The following FAT3 variants were observed in gnomAD, a reference collection of about 807,000 sequenced individuals.
FAT3 encodes the protein protocadherin Fat 3.
In FAT3, 95 loss-of-function variants were observed where a neutral mutation model predicts 310.2. The observed-to-expected ratio is 0.31, with a 90% CI of 0.26 to 0.36. FAT3 has a LOEUF of 0.36. FAT3 is among the 10% of genes least tolerant of loss of function. The pLI, the probability that FAT3 is intolerant of heterozygous loss-of-function variation, is 1.00. For synonymous variants in FAT3, 2,314 were observed against 2,192.9 expected (o/e 1.06, Z -1.54); for missense variants, 5,408 against 5,715.6 (o/e 0.95, Z 1.74).
intron 13 of FAT3, among the ~76,000 whole-genome samples, chr11:92,830,335 T>C (rs1948211543): frequency 6.6e-6 from 1 of 152,218 alleles, no homozygotes; most frequent in Non-Finnish European, 1.5e-5. Flanking sequence ...AGACATTTCC[T>C]AGTTTGTATG....
rs7129657 is a variant in FAT3, at chr11:92,780,162, T to C, written c.4335+5982T>C. 8.6e-3 allele frequency among the ~76,000 whole-genome samples: 537 copies of C among 62,296 alleles called. 2 individuals are homozygous for C. Among genetic ancestry groups the C allele is most frequent in the African/African-American group, 0.026 (472 of 18,024 alleles). The allele number at this position is 62,296 out of a possible 152,430, so 40.9% of individuals were successfully genotyped here. On this transcript the variant is annotated intron_variant, in intron 7 of 27. Coordinates refer to ENST00000525166, the MANE Select transcript of FAT3 (RefSeq NM_001367949.2). ...CTAAGTTTATGGTAACTTTTTTTTTTCTTTTTTTTTTTTTTCCAGGACAGG... is the reference window on the plus strand; with the variant it reads ...CTAAGTTTATGGTAACTTTTTTTTTCCTTTTTTTTTTTTTTCCAGGACAGG...
chr11:92,710,331 C>A (rs777213642), intron 4 of FAT3, among the ~76,000 whole-genome samples: 4 of 152,156 alleles, frequency 2.6e-5, no homozygotes, highest in African/African-American at 4.8e-5. Flanking sequence ...TACCAAATGA[C>A]TGAGATTTTC....
intron 4 of FAT3, among the ~76,000 whole-genome samples, chr11:92,717,331 A>G (rs570234670): frequency 8.5e-5 from 13 of 152,312 alleles, no homozygotes; most frequent in African/African-American, 1.7e-4. Context: ...TTGCTTTCCA[A>G]TGGGGGTCCT....
At chr11:92,294,915 C>T (rs894276477) in intron 1 of FAT3, among the ~76,000 whole-genome samples, 1 of 152,048 alleles carries the variant, frequency 6.6e-6, no homozygotes, top group African/African-American at 2.4e-5. Context: ...TTTAGTAGTG[C>T]TTGTGTAATC....
chr11:92,818,946 T>C (rs3912658), intron 13 of FAT3, among the ~76,000 whole-genome samples: 131,409 of 152,272 alleles, frequency 0.86, 56,780 homozygotes, highest in East Asian at 0.94. Flanking sequence ...TTAATAAGAA[T>C]TTTAAATGAT....
At chr11:92,360,427 C>G (rs188246168) in intron 2 of FAT3, among the ~76,000 whole-genome samples, 2 of 152,218 alleles carry the variant, frequency 1.3e-5, no homozygotes, top group Non-Finnish European at 2.9e-5. Flanking sequence ...ATTTAAATCA[C>G]TAGTCTGGAA....
At chr11:92,878,669 C>CAAA (rs1949599281) in intron 22 of FAT3, among the ~76,000 whole-genome samples, 3 of 11,784 alleles carry the variant, frequency 2.5e-4, no homozygotes, top group Admixed American at 1.1e-3. Flanking sequence ...AAAAAAAAAG[C>CAAA]TCCGCACAAA....
chr11:92,769,933 C>T (rs985849924), intron 6 of FAT3, among the ~76,000 whole-genome samples: 1 of 152,216 alleles, frequency 6.6e-6, no homozygotes, highest in African/African-American at 2.4e-5. Flanking sequence ...CCATTGAAGT[C>T]TCTGGTAGGA....
chr11:92,296,118 C>T (rs1343757943), intron 1 of FAT3, among the ~76,000 whole-genome samples: 1 of 152,128 alleles, frequency 6.6e-6, no homozygotes, highest in Non-Finnish European at 1.5e-5. Context: ...TTGAGATATT[C>T]TGGTCCAACT....
intron 2 of FAT3, among the ~76,000 whole-genome samples, chr11:92,517,291 C>A (rs1413946135): frequency 1.3e-5 from 2 of 152,052 alleles, no homozygotes; most frequent in Non-Finnish European, 2.9e-5. Flanking sequence ...AATATATAGA[C>A]CAAAGGGACA....
chr11:92,310,235 C>T (rs1039654210), intron 1 of FAT3, among the ~76,000 whole-genome samples: 2 of 151,956 alleles, frequency 1.3e-5, no homozygotes, highest in African/African-American at 4.8e-5. Flanking sequence ...GCATTTTTAC[C>T]GATTGAAAAT....
chr11:92,788,557 T>G (rs937094405), intron 7 of FAT3, among the ~76,000 whole-genome samples: 6 of 152,134 alleles, frequency 3.9e-5, no homozygotes, highest in African/African-American at 1.4e-4. Flanking sequence ...TCTGAAATTT[T>G]TAATGAATTA....
chr11:92,700,458 A>AG (rs967285191), intron 4 of FAT3, among the ~76,000 whole-genome samples: 1 of 152,020 alleles, frequency 6.6e-6, no homozygotes, highest in African/African-American at 2.4e-5. Context: ...GTGGGGGCTG[A>AG]GGGTGACCAG....
chr11:92,870,445 A>G (rs1949358195), intron 22 of FAT3, among the ~76,000 whole-genome samples: 1 of 152,142 alleles, frequency 6.6e-6, no homozygotes, highest in Admixed American at 6.5e-5. Context: ...AACCACAGAG[A>G]GAAGGCTCTC....
chr11:92,477,271 T>C (rs1343940074), intron 2 of FAT3, among the ~76,000 whole-genome samples: 9 of 152,156 alleles, frequency 5.9e-5, no homozygotes, highest in Admixed American at 5.2e-4. Context: ...TATTTTGGAG[T>C]TTCTGGTGTG....
intron 2 of FAT3, among the ~76,000 whole-genome samples, chr11:92,451,775 A>T (rs1951357507): frequency 6.6e-6 from 1 of 152,212 alleles, no homozygotes; most frequent in African/African-American, 2.4e-5. Context: ...TATAGTGAAG[A>T]AGAAAGTTAA....
intron 3 of FAT3, among the ~76,000 whole-genome samples, chr11:92,569,505 A>G (rs17530465): frequency 3.9e-5 from 6 of 152,176 alleles, no homozygotes; most frequent in African/African-American, 7.2e-5. Context: ...AAAAGTAACG[A>G]AAGTTGAGAA....
chr11:92,386,470 A>G (rs777707277), intron 2 of FAT3, among the ~76,000 whole-genome samples: 6 of 152,214 alleles, frequency 3.9e-5, no homozygotes, highest in Non-Finnish European at 7.3e-5. Flanking sequence ...AAAGTTGTTC[A>G]TGTATCTGGT....
At chr11:92,792,479 GCT>G (rs1947063583) in intron 8 of FAT3, among the ~76,000 whole-genome samples, 1 of 152,054 alleles carries the variant, frequency 6.6e-6, no homozygotes, top group Admixed American at 6.6e-5. Context: ...AGAGCACAGT[GCT>G]GTGTTTGTGA....
Sources: gnomAD v4.1 joint callset for allele counts (sites outside exome capture counted in the v4.1 genomes callset) on GRCh38, gnomAD v4.1.1 for gene constraint, MANE v1.5 for transcripts, NCBI Gene and HGNC (gene_info 2026-07-23, HGNC 2026-07-21) for gene names.